AKAP6: variants seen among roughly 807,000 people sequenced by gnomAD.
AKAP6 encodes A-kinase anchor protein 6.
Under a neutral mutation model 188.5 loss-of-function variants are expected in AKAP6, and 58 were observed. The ratio of observed to expected loss-of-function variants is 0.31; its 90% CI spans 0.25 to 0.38. The LOEUF (loss-of-function observed/expected upper bound fraction) is 0.38. Among genes scored for constraint, AKAP6 ranks in the 10% least tolerant of loss-of-function variants. The pLI, the probability that AKAP6 is intolerant of heterozygous loss-of-function variation, is 1.00. For missense variants in AKAP6, 2,710 were observed against 2,740.0 expected (o/e 0.99, Z 0.24); for synonymous variants, 989 against 998.6 (o/e 0.99, Z 0.18).
At chr14:32,551,423 T>C (rs1402711017) in intron 4 of AKAP6, among the ~76,000 whole-genome samples, 2 of 151,442 alleles carry the variant, frequency 1.3e-5, no homozygotes, top group African/African-American at 4.8e-5. Context: ...TAAACAAAAA[T>C]TAGCCAGGTG....
intron 5 of AKAP6, among the ~76,000 whole-genome samples, chr14:32,591,678 A>G (rs1433228605): frequency 1.3e-5 from 2 of 151,054 alleles, no homozygotes; most frequent in Non-Finnish European, 2.9e-5. Flanking sequence ...AAGGAAAACA[A>G]AGGTTTTATA....
At chr14:32,757,358 G>A (rs1017981404) in intron 11 of AKAP6, among the ~76,000 whole-genome samples, 2 of 152,110 alleles carry the variant, frequency 1.3e-5, no homozygotes, top group Non-Finnish European at 2.9e-5. Context: ...GAGATGATAG[G>A]ATTTCTGAAC....
In AKAP6 at chr14:32,773,898, G is replaced by A; in HGVS notation, c.3588+5G>A. On this transcript the variant is annotated splice_donor_5th_base_variant and intron_variant, in intron 12 of 13. Transcript: ENST00000280979. ...AAGAAGATGGGAAAGGAATCTGTGA[G>A]TGATGCTTTTTTTAAGCATAATTGT... The A allele has an allele frequency of 6.2e-7, 1 of 1,613,132 alleles. No homozygotes were observed. Among genetic ancestry groups the A allele is most frequent in the East Asian group, 2.2e-5 (1 of 44,868 alleles).
At chr14:32,755,046 A>C (rs1237246009) in intron 11 of AKAP6, among the ~76,000 whole-genome samples, 2 of 152,168 alleles carry the variant, frequency 1.3e-5, no homozygotes, top group African/African-American at 4.8e-5. Flanking sequence ...GTCCCTCTTC[A>C]GATTTTGGAA....
intron 2 of AKAP6, among the ~76,000 whole-genome samples, chr14:32,493,198 C>CTTTG (rs948425100): frequency 1.1e-4 from 16 of 151,864 alleles, no homozygotes; most frequent in South Asian, 2.1e-4. Context: ...AAGGCACACT[C>CTTTG]TTTGTTTGTT....
chr14:32,567,200 C>T (rs1352498445), intron 4 of AKAP6, among the ~76,000 whole-genome samples: 2 of 152,212 alleles, frequency 1.3e-5, no homozygotes, highest in Non-Finnish European at 2.9e-5. Context: ...GGATGACAGG[C>T]ATGAGCCACC....
At chr14:32,693,276 G>T (rs1417958323) in intron 8 of AKAP6, 1 of 152,140 alleles carries the variant, frequency 6.6e-6, no homozygotes, top group Non-Finnish European at 1.5e-5. Context: ...CCTCAACTCA[G>T]CCCTCACTGA....
intron 12 of AKAP6, among the ~76,000 whole-genome samples, chr14:32,788,775 T>C (rs527953986): frequency 6.6e-6 from 1 of 152,306 alleles, no homozygotes; most frequent in Admixed American, 6.5e-5. Flanking sequence ...CCAGGAGTTT[T>C]ACAATTCTGG....
chr14:32,594,505 T>A (rs1423997398), intron 5 of AKAP6, among the ~76,000 whole-genome samples: 2 of 152,198 alleles, frequency 1.3e-5, no homozygotes, highest in Non-Finnish European at 2.9e-5. Context: ...TCTTGGTATA[T>A]ATGGCATTTT....
At chr14:32,776,074 G>A in intron 12 of AKAP6, among the ~76,000 whole-genome samples, 1 of 152,206 alleles carries the variant, frequency 6.6e-6, no homozygotes, top group East Asian at 1.9e-4. Context: ...AGTTGCCAAT[G>A]TGGGAGGCTG....
intron 7 of AKAP6, among the ~76,000 whole-genome samples, chr14:32,667,126 G>C (rs1434858435): frequency 2.0e-5 from 3 of 152,076 alleles, no homozygotes; most frequent in African/African-American, 4.8e-5. Context: ...AAATTTGCTT[G>C]TAGAGGAACC....
chr14:32,726,093 C>A, intron 9 of AKAP6: 1 of 759,462 alleles, frequency 1.3e-6, no homozygotes. Context: ...TTTCCAACGA[C>A]CAGATTAAGG....
At chr14:32,427,082 A>G (rs1277739492) in intron 1 of AKAP6, among the ~76,000 whole-genome samples, 1 of 151,874 alleles carries the variant, frequency 6.6e-6, no homozygotes, top group Non-Finnish European at 1.5e-5. Flanking sequence ...ACCAGTGATA[A>G]CACCGAGATC....
rs111506035 is a variant in AKAP6, at chr14:32,519,079, T to G, written c.325-16475T>G. Among the ~76,000 whole-genome samples the G allele has an allele frequency of 3.4e-3, 517 of 152,246 alleles. 6 individuals are homozygous for G. The highest frequency in any genetic ancestry group is 0.012 in the African/African-American group (493 of 41,542). ...AAAAGAATTTTCAACCCAGAATTTC[T>G]TATCCAGCCAAACTAAGCTTCAGAA... On this transcript the variant is annotated intron_variant, in intron 2 of 13. Coordinates refer to ENST00000280979, the MANE Select transcript of AKAP6 (RefSeq NM_004274.5).
chr14:32,748,416 C>G (rs2031996593), intron 11 of AKAP6, among the ~76,000 whole-genome samples: 1 of 152,108 alleles, frequency 6.6e-6, no homozygotes. Context: ...ATGAAGACTG[C>G]TTAAAATAGG....
chr14:32,784,864 T>C (rs2140030303), intron 12 of AKAP6, among the ~76,000 whole-genome samples: 1 of 152,230 alleles, frequency 6.6e-6, no homozygotes, highest in Non-Finnish European at 1.5e-5. Context: ...TTGCCTTTCT[T>C]CCCCCTAAGA....
intron 7 of AKAP6, among the ~76,000 whole-genome samples, chr14:32,670,370 A>C (rs959249944): frequency 2.0e-5 from 3 of 152,126 alleles, no homozygotes; most frequent in African/African-American, 4.8e-5. Flanking sequence ...GGGAGGGTCC[A>C]TGAGGGTCTT....
At chr14:32,630,049 G>A (rs73260906) in intron 7 of AKAP6, among the ~76,000 whole-genome samples, 2,764 of 152,240 alleles carry the variant, frequency 0.018, 80 homozygotes, top group African/African-American at 0.063. Context: ...TTCTGTGTGG[G>A]ATCTGGAAAT....
intron 8 of AKAP6, among the ~76,000 whole-genome samples, chr14:32,678,909 T>C (rs1245841070): frequency 6.6e-6 from 1 of 152,204 alleles, no homozygotes; most frequent in Non-Finnish European, 1.5e-5. Flanking sequence ...TTAGAGACCA[T>C]GGGCTAGCCA....
Sources: allele counts gnomAD v4.1 joint callset (sites outside exome capture counted in the v4.1 genomes callset), GRCh38; gene constraint gnomAD v4.1.1; transcripts MANE v1.5; gene names NCBI Gene and HGNC (gene_info 2026-07-23, HGNC 2026-07-21).